GOLPH3: variants seen among roughly 807,000 people sequenced by gnomAD.
GOLPH3 encodes golgi phosphoprotein 3.
In GOLPH3, 14 loss-of-function variants were observed where a neutral mutation model predicts 28.5. The observed-to-expected ratio is 0.49, with a 90% CI of 0.32 to 0.77. GOLPH3 has a LOEUF of 0.77. Among genes scored for constraint, GOLPH3 ranks in the 30% least tolerant of loss-of-function variants. The pLI is 0.03. For synonymous variants in GOLPH3, 158 were observed against 159.2 expected (o/e 0.99, Z 0.06); for missense variants, 350 against 393.7 (o/e 0.89, Z 0.94).
chr5:32,141,975 C>T (rs1469618344), intron 2 of GOLPH3, among the ~76,000 whole-genome samples: 1 of 152,158 alleles, frequency 6.6e-6, no homozygotes, highest in Non-Finnish European at 1.5e-5. Flanking sequence ...TCCCAGCAGC[C>T]TGCCTTGGCC....
intron 2 of GOLPH3, among the ~76,000 whole-genome samples, chr5:32,140,645 T>C (rs1018718185): frequency 1.0e-4 from 15 of 144,614 alleles, no homozygotes; most frequent in Admixed American, 3.5e-4. Context: ...GCCTGGGTGA[T>C]AGAGTGACAC....
rs1185396694 is a variant in GOLPH3 at position 32,135,644 on chromosome 5, CAAG to C, written c.397_399del (p.Leu133del). 6 of 1,613,686 alleles carry C rather than the reference CAAG, an allele frequency of 3.7e-6. No homozygotes were observed. Among genetic ancestry groups the C allele is most frequent in the Non-Finnish European group, 5.1e-6 (6 of 1,179,756 alleles). On this transcript the variant is annotated inframe_deletion, in exon 3 of 4. Coordinates refer to ENST00000265070, the MANE Select transcript of GOLPH3 (RefSeq NM_022130.4). ...TCCTTAACATGCTTCAGAGCTTCAT[CAAG>C]AAGAACATCCCCTGTTGGAGCATCT... is the stretch of plus-strand genomic sequence containing the variant.
chr5:32,129,160 T>C (rs1031529484), intron 3 of GOLPH3, among the ~76,000 whole-genome samples: 3 of 151,972 alleles, frequency 2.0e-5, no homozygotes, highest in Admixed American at 6.6e-5. Flanking sequence ...CTAGCCTGGG[T>C]GACAAGCACA....
chr5:32,172,540 T>C (rs1368182748), intron 1 of GOLPH3, among the ~76,000 whole-genome samples: 1 of 151,774 alleles, frequency 6.6e-6, no homozygotes, highest in Non-Finnish European at 1.5e-5. Flanking sequence ...ACTAAAGGTA[T>C]GAAAATTAGC....
At chr5:32,160,366 T>C (rs1746546101) in intron 1 of GOLPH3, among the ~76,000 whole-genome samples, 1 of 152,174 alleles carries the variant, frequency 6.6e-6, no homozygotes. Context: ...GCATGAGCCA[T>C]CATACCCAGC....
At chr5:32,152,831 C>T (rs888748187) in intron 1 of GOLPH3, among the ~76,000 whole-genome samples, 2 of 151,260 alleles carry the variant, frequency 1.3e-5, no homozygotes, top group Admixed American at 6.6e-5. Flanking sequence ...AGCTTGACAG[C>T]ATAGTTGGCA....
chr5:32,131,760 C>T (rs1412309017), intron 3 of GOLPH3, among the ~76,000 whole-genome samples: 1 of 152,200 alleles, frequency 6.6e-6, no homozygotes, highest in Non-Finnish European at 1.5e-5. Flanking sequence ...GCCCAACAAT[C>T]ACTTTGGTGG....
intron 1 of GOLPH3, among the ~76,000 whole-genome samples, chr5:32,154,824 C>G (rs976751365): frequency 6.6e-6 from 1 of 152,164 alleles, no homozygotes; most frequent in African/African-American, 2.4e-5. Flanking sequence ...GTGGCTCACA[C>G]CTGTAATCCC....
intron 1 of GOLPH3, among the ~76,000 whole-genome samples, chr5:32,147,663 G>A (rs1350510282): frequency 3.9e-5 from 6 of 152,034 alleles, no homozygotes; most frequent in Non-Finnish European, 5.9e-5. Flanking sequence ...AGATAAGTAA[G>A]GTTTTCCTTA....
intron 2 of GOLPH3, among the ~76,000 whole-genome samples, chr5:32,141,891 C>T (rs1395842598): frequency 4.4e-5 from 4 of 89,958 alleles, no homozygotes; most frequent in Non-Finnish European, 6.7e-5. Flanking sequence ...GACGGAGTCT[C>T]GTTCACTCAG....
At chr5:32,158,797 A>G (rs1467628999) in intron 1 of GOLPH3, among the ~76,000 whole-genome samples, 1 of 152,188 alleles carries the variant, frequency 6.6e-6, no homozygotes, top group Non-Finnish European at 1.5e-5. Context: ...TTCCGCTTCC[A>G]TCCCTCACAC....
chr5:32,140,806 A>T (rs1746043621), intron 2 of GOLPH3, among the ~76,000 whole-genome samples: 1 of 151,096 alleles, frequency 6.6e-6, no homozygotes, highest in Non-Finnish European at 1.5e-5. Context: ...TGTCTCCAAA[A>T]AAAAAAAAAA....
At chr5:32,154,813 A>G (rs1299460565) in intron 1 of GOLPH3, among the ~76,000 whole-genome samples, 1 of 152,224 alleles carries the variant, frequency 6.6e-6, no homozygotes, top group East Asian at 1.9e-4. Flanking sequence ...GGCTGGGTGC[A>G]GTGGCTCACA....
At chr5:32,160,838 C>T (rs574819794) in intron 1 of GOLPH3, among the ~76,000 whole-genome samples, 2 of 151,450 alleles carry the variant, frequency 1.3e-5, no homozygotes, top group African/African-American at 2.4e-5. Flanking sequence ...GAGGCCAAGG[C>T]GGGCGGACCA....
intron 1 of GOLPH3, among the ~76,000 whole-genome samples, chr5:32,162,013 C>T (rs1164570723): frequency 4.0e-5 from 6 of 150,216 alleles, no homozygotes; most frequent in Non-Finnish European, 7.4e-5. Context: ...GGCGACAGAG[C>T]GAGACTCCGT....
intron 1 of GOLPH3, among the ~76,000 whole-genome samples, chr5:32,169,684 C>A (rs1269123123): frequency 6.6e-6 from 1 of 152,150 alleles, no homozygotes; most frequent in Non-Finnish European, 1.5e-5. Context: ...AGAATAAACA[C>A]ACACAGGGAA....
chr5:32,143,999 C>G (rs1177805185), intron 1 of GOLPH3, 119 bp from the exon 2 acceptor site: 2 of 581,592 alleles, frequency 3.4e-6, no homozygotes, highest in African/African-American at 3.9e-5. Context: ...TCCTGTCTTT[C>G]TATAATAATA....
chr5:32,144,175 C>T (rs1384967407), intron 1 of GOLPH3, among the ~76,000 whole-genome samples: 1 of 152,130 alleles, frequency 6.6e-6, no homozygotes, highest in Non-Finnish European at 1.5e-5. Context: ...TCTTTCAGAA[C>T]CCTGCAAACT....
intron 3 of GOLPH3, among the ~76,000 whole-genome samples, chr5:32,130,504 C>A (rs1182304548): frequency 1.3e-5 from 2 of 152,136 alleles, no homozygotes; most frequent in African/African-American, 4.8e-5. Context: ...CTAAGTATAG[C>A]AGAATAAATG....
Sources: allele counts gnomAD v4.1 joint callset (sites outside exome capture counted in the v4.1 genomes callset), GRCh38; gene constraint gnomAD v4.1.1; transcripts MANE v1.5; gene names NCBI Gene and HGNC (gene_info 2026-07-23, HGNC 2026-07-21).